The following ZC3H12D variants were observed in gnomAD, a reference collection of about 807,000 sequenced individuals.
ZC3H12D encodes probable ribonuclease ZC3H12D.
In ZC3H12D, 11 loss-of-function variants were observed where a neutral mutation model predicts 24.2. The ratio of observed to expected loss-of-function variants is 0.46; its 90% CI spans 0.29 to 0.75. The LOEUF is 0.75. ZC3H12D is among the 30% of genes least tolerant of loss of function. The pLI is 0.11. For missense variants in ZC3H12D, 740 were observed against 767.7 expected (o/e 0.96, Z 0.43); for synonymous variants, 333 against 341.8 (o/e 0.97, Z 0.28).
chr6:149,466,528 C>T (rs1191455192), intron 2 of ZC3H12D, among the ~76,000 whole-genome samples: 1 of 151,924 alleles, frequency 6.6e-6, no homozygotes, highest in Non-Finnish European at 1.5e-5. Context: ...TCAATGTAGT[C>T]AAGTCCACCC....
At chr6:149,460,340 C>T (rs1461734373) in intron 3 of ZC3H12D, among the ~76,000 whole-genome samples, 3 of 141,214 alleles carry the variant, frequency 2.1e-5, no homozygotes, top group African/African-American at 8.2e-5. Context: ...CCAAGTACTT[C>T]AGATAAGGGA....
At position 149,448,312 on chromosome 6, in the gene ZC3H12D, TTAAAA is replaced by T. The variant is rs962216481; in HGVS notation, c.*2366_*2370del. 3 of 149,108 alleles carry T rather than the reference TTAAAA, an allele frequency of 2.0e-5. No homozygotes were observed. The highest frequency in any genetic ancestry group is 2.1e-4 in the South Asian group (1 of 4,710). The allele number at this position is 149,108 out of a possible 1,614,324, so 9.2% of individuals were successfully genotyped here. On this transcript the variant is annotated 3_prime_UTR_variant, in exon 6 of 6. Transcript: ENST00000409806. ...GTTTCAAAAATAATAATAATAAAAA[TTAAAA>T]TAAAAAAAATAAAGGCCCGTTGAGG...
chr6:149,482,071 G>C (rs544275635), intron 1 of ZC3H12D, among the ~76,000 whole-genome samples: 1 of 152,260 alleles, frequency 6.6e-6, no homozygotes, highest in Non-Finnish European at 1.5e-5. Context: ...AGGGGCCCTC[G>C]GGGCACAGCC....
Position 149,448,497 on chromosome 6 carries a change from T to G in ZC3H12D, c.*2186A>C, listed in dbSNP as rs1172855567. The G allele has an allele frequency of 1.3e-5, 2 of 151,964 alleles. 1 individual carries two copies. Among genetic ancestry groups the G allele is most frequent in the Non-Finnish European group, 2.9e-5 (2 of 67,986 alleles). The allele number at this position is 151,964 out of a possible 1,614,324, so 9.4% of individuals were successfully genotyped here. A position where few individuals can be genotyped will look rare whatever the true frequency, so the allele number is the denominator to read the frequency against. Reference sequence around the variant, plus strand: ...AGTCAAAGCTGCAGTGAGCCCTGATTGCACTACTGCACTCCAGCCTGGGTG... The same window carrying G: ...AGTCAAAGCTGCAGTGAGCCCTGATGGCACTACTGCACTCCAGCCTGGGTG... On this transcript the variant is annotated 3_prime_UTR_variant, in exon 6 of 6. Transcript: ENST00000409806.
chr6:149,469,147 C>T (rs1357785847), intron 2 of ZC3H12D, among the ~76,000 whole-genome samples: 1 of 152,134 alleles, frequency 6.6e-6, no homozygotes, highest in African/African-American at 2.4e-5. Context: ...GTGAGTCTGC[C>T]CACCCTAGGC....
At chr6:149,471,949 CA>C (rs954069242) in intron 2 of ZC3H12D, among the ~76,000 whole-genome samples, 5 of 152,218 alleles carry the variant, frequency 3.3e-5, no homozygotes, top group Non-Finnish European at 7.3e-5. Context: ...GCAATGTCTG[CA>C]ATACTACAAA....
At chr6:149,458,954 T>C (rs772432721) in intron 3 of ZC3H12D, among the ~76,000 whole-genome samples, 7 of 152,246 alleles carry the variant, frequency 4.6e-5, no homozygotes, top group Non-Finnish European at 1.0e-4. Context: ...TCATTGTCTT[T>C]GTCTCTTTGA....
At chr6:149,459,384 C>A (rs1776037203) in intron 3 of ZC3H12D, 2 of 554,782 alleles carry the variant, frequency 3.6e-6, no homozygotes, top group Non-Finnish European at 6.4e-6. Flanking sequence ...GATCTATAAT[C>A]ATGTTAAAAG....
At chr6:149,464,193 G>A (rs1776117377) in intron 2 of ZC3H12D, among the ~76,000 whole-genome samples, 1 of 152,190 alleles carries the variant, frequency 6.6e-6, no homozygotes, top group African/African-American at 2.4e-5. Context: ...GGACTCAGGA[G>A]GGACGGATCT....
chr6:149,452,534 G>A lies in ZC3H12D; in HGVS notation c.787+82C>T. The A allele has an allele frequency of 8.5e-7, 1 of 1,182,128 alleles. No homozygotes were observed. The highest frequency in any genetic ancestry group is 1.1e-6 in the Non-Finnish European group (1 of 884,828). 73.2% of individuals were successfully genotyped at this position (1,182,128 alleles called of 1,614,324 possible). A position where few individuals can be genotyped will look rare whatever the true frequency, so the allele number is the denominator to read the frequency against. On this transcript the variant is annotated intron_variant, in intron 5 of 5. Coordinates refer to ENST00000409806, the MANE Select transcript of ZC3H12D (RefSeq NM_207360.3). This position sits in a 1 kb window ranked among gnomAD's most constrained non-coding sequence, Gnocchi z 4.0. ...AAGAGCCCAGGCCGCTGAGCACCAG[G>A]CCAGCGCTTTTTGACTGTGCTCCTG...
In ZC3H12D at chr6:149,452,976, A is replaced by G. The variant is rs945025360; in HGVS notation, c.681-254T>C. Among the ~76,000 whole-genome samples, 4 of 152,162 alleles carry G rather than the reference A, an allele frequency of 2.6e-5. No individual in the cohort carries two copies. The highest frequency in any genetic ancestry group is 9.7e-5 in the African/African-American group (4 of 41,432). ...TGTGGTTCAAGCCAGCAGTGTCAGA[A>G]TCACCTAGCAACTTAAAAATGCAGT... On this transcript the variant is annotated intron_variant, in intron 4 of 5. Transcript: ENST00000409806. The surrounding 1 kb of genome is among the most constrained non-coding windows in gnomAD (Gnocchi z 4.0).
Position 149,456,631 on chromosome 6 carries a change from G to GCC in ZC3H12D, c.680+33_680+34dup. 3 of 794,052 alleles carry GCC rather than the reference G, an allele frequency of 3.8e-6. No individual in the cohort carries two copies. Among genetic ancestry groups the GCC allele is most frequent in the Non-Finnish European group, 6.2e-6 (3 of 485,334 alleles). The allele number at this position is 794,052 out of a possible 1,614,324, so 49.2% of individuals were successfully genotyped here. A position where few individuals can be genotyped will look rare whatever the true frequency, so the allele number is the denominator to read the frequency against. On this transcript the variant is annotated intron_variant, in intron 4 of 5. Coordinates refer to ENST00000409806, the MANE Select transcript of ZC3H12D (RefSeq NM_207360.3). This position sits in a 1 kb window ranked among gnomAD's most constrained non-coding sequence, Gnocchi z 4.3. ...CTCGACCCCGGCCCCCCGCCCCGCC[G>GCC]CCCCCCAGGGTGTCAGGACCCCAGC...
At chr6:149,467,089 A>T (rs561455620) in intron 2 of ZC3H12D, among the ~76,000 whole-genome samples, 143 of 152,208 alleles carry the variant, frequency 9.4e-4, no homozygotes, top group Admixed American at 2.3e-3. Context: ...CAGAGCTCTC[A>T]GTCGCCCTGG....
In ZC3H12D at chr6:149,451,080, C is replaced by T. The variant is rs762009627; in HGVS notation, c.1187G>A (p.Ser396Asn). The change falls in exon 6 of 6, where the codon AGC (serine) becomes AAC (asparagine). Residue 396 changes from serine (S) to asparagine (N), a missense_variant. Transcript: ENST00000409806. ...CGGGAGGTCGCCCGGGGAGAACTGG[C>T]TCTCCGGGCTAGGGAGGCTGAGCGG... ...PGPLSLPSPE[S>N]QFSPGDLPPP... 7.2e-7 allele frequency: 1 copy of T among 1,396,040 alleles called. No homozygotes were observed. Among genetic ancestry groups the T allele is most frequent in the Admixed American group, 3.4e-5 (1 of 29,618 alleles). The allele number at this position is 1,396,040 out of a possible 1,614,324, so 86.5% of individuals were successfully genotyped here.
intron 5 of ZC3H12D, among the ~76,000 whole-genome samples, chr6:149,451,716 G>A (rs1430293159): frequency 1.3e-5 from 2 of 152,212 alleles, no homozygotes; most frequent in East Asian, 1.9e-4. Flanking sequence ...TGGGTGAGGG[G>A]GCGCTGAGCA....
chr6:149,454,385 C>A (rs1055896115), intron 4 of ZC3H12D, among the ~76,000 whole-genome samples: 3 of 152,160 alleles, frequency 2.0e-5, no homozygotes, highest in Non-Finnish European at 4.4e-5. Flanking sequence ...GGTTGCTGTC[C>A]CCCTAAGAAT....
chr6:149,468,791 C>A (rs1374437523), intron 2 of ZC3H12D, among the ~76,000 whole-genome samples: 1 of 152,106 alleles, frequency 6.6e-6, no homozygotes, highest in Non-Finnish European at 1.5e-5. Flanking sequence ...TGACCCCCAG[C>A]CCGGTCATAA....
chr6:149,453,434 G>C (rs2007062), intron 4 of ZC3H12D, among the ~76,000 whole-genome samples: 36,901 of 152,070 alleles, frequency 0.24, 5,760 homozygotes, highest in East Asian at 0.72. Context: ...CAACCAACCT[G>C]GGCAACACGG....
intron 1 of ZC3H12D, among the ~76,000 whole-genome samples, chr6:149,480,494 G>A (rs1039753229): frequency 6.6e-6 from 1 of 152,238 alleles, no homozygotes; most frequent in African/African-American, 2.4e-5. Flanking sequence ...ACTGGGCGCA[G>A]TGGCTTATGC....
Sources: gnomAD v4.1 joint callset for allele counts (sites outside exome capture counted in the v4.1 genomes callset) on GRCh38, gnomAD v4.1.1 for gene constraint, Gnocchi (gnomAD v3.1) non-coding constraint, MANE v1.5 for transcripts, NCBI Gene and HGNC (gene_info 2026-07-23, HGNC 2026-07-21) for gene names.